The following TBCD variants were observed in gnomAD, a reference collection of about 807,000 sequenced individuals.
TBCD encodes tubulin folding cofactor D.
A neutral mutation model predicts 169.3 loss-of-function variants in TBCD; 105 were observed. That is an observed-to-expected ratio of 0.62 (90% confidence interval 0.53 to 0.73). The LOEUF is 0.73. Ranked by LOEUF, TBCD falls within the 30% of genes least tolerant of loss-of-function variation. TBCD has a pLI of 0.00. For synonymous variants in TBCD, 700 were observed against 643.9 expected, an observed-to-expected ratio of 1.09 and a Z score of -1.32; for missense variants, 1,444 against 1,600.1, an observed-to-expected ratio of 0.90 and a Z score of 1.66.
intron 14 of TBCD, among the ~76,000 whole-genome samples, chr17:82,870,629 A>T (rs1331407722): frequency 6.6e-6 from 1 of 152,138 alleles, no homozygotes; most frequent in African/African-American, 2.4e-5. Flanking sequence ...TCTTGGGCGC[A>T]GGTGATCGAC....
chr17:82,759,846 A>G (rs1396867116), intron 2 of TBCD, among the ~76,000 whole-genome samples: 3 of 147,788 alleles, frequency 2.0e-5, no homozygotes, highest in African/African-American at 7.5e-5. Context: ...TGTTCCATTG[A>G]CCTATCTGTA....
At chr17:82,790,704 T>G (rs555951614) in intron 7 of TBCD, among the ~76,000 whole-genome samples, 1 of 152,308 alleles carries the variant, frequency 6.6e-6, no homozygotes, top group African/African-American at 2.4e-5. Context: ...GCCTTGTCCT[T>G]GTCTCTGCCC....
intron 30 of TBCD, among the ~76,000 whole-genome samples, chr17:82,928,744 C>T: frequency 6.6e-6 from 1 of 152,130 alleles, no homozygotes; most frequent in Non-Finnish European, 1.5e-5. Flanking sequence ...CTTCTCTCTC[C>T]CCATCCCCGG....
At chr17:82,875,721 C>T (rs1298074281) in intron 14 of TBCD, among the ~76,000 whole-genome samples, 11 of 152,234 alleles carry the variant, frequency 7.2e-5, no homozygotes, top group Admixed American at 7.2e-4. Context: ...TTCTCCCTCA[C>T]CGGTGTTGCT....
chr17:82,895,237 C>T (rs2059397340), intron 17 of TBCD, among the ~76,000 whole-genome samples: 1 of 152,264 alleles, frequency 6.6e-6, no homozygotes, highest in African/African-American at 2.4e-5. Context: ...GACGCACCGG[C>T]AGGCAGGCCC....
chr17:82,924,218 T>C (rs1418022130), intron 26 of TBCD, among the ~76,000 whole-genome samples: 1 of 152,216 alleles, frequency 6.6e-6, no homozygotes, highest in Non-Finnish European at 1.5e-5. Flanking sequence ...CCTCCCAAAG[T>C]TCTGGGATTA....
At chr17:82,910,431 T>C (rs2060548880) in intron 22 of TBCD, among the ~76,000 whole-genome samples, 3 of 152,216 alleles carry the variant, frequency 2.0e-5, no homozygotes, top group Admixed American at 2.0e-4. Flanking sequence ...GTTCAGACTT[T>C]TTGCTCATTA....
chr17:82,783,723 T>C (rs2049106911), intron 7 of TBCD, among the ~76,000 whole-genome samples: 1 of 152,196 alleles, frequency 6.6e-6, no homozygotes, highest in South Asian at 2.1e-4. Context: ...GTGTGGGTAT[T>C]TTCCATATGC....
intron 18 of TBCD, among the ~76,000 whole-genome samples, chr17:82,902,507 G>T (rs1474633885): frequency 1.3e-5 from 2 of 152,196 alleles, no homozygotes; most frequent in East Asian, 3.9e-4. Context: ...TGTCGCTCAG[G>T]GTGTGGAGTC....
At chr17:82,878,081 C>T (rs1371956259) in intron 14 of TBCD, among the ~76,000 whole-genome samples, 1 of 152,202 alleles carries the variant, frequency 6.6e-6, no homozygotes, top group Non-Finnish European at 1.5e-5. Context: ...AGACCCTCCA[C>T]AGCATTCTCC....
At chr17:82,936,041 T>C (rs2062590637) in intron 34 of TBCD, among the ~76,000 whole-genome samples, 1 of 152,234 alleles carries the variant, frequency 6.6e-6, no homozygotes, top group African/African-American at 2.4e-5. Flanking sequence ...TGCTTTTGAG[T>C]GTTACCTCTG....
chr17:82,826,111 A>G (rs1047773176), intron 13 of TBCD, among the ~76,000 whole-genome samples: 3 of 152,222 alleles, frequency 2.0e-5, no homozygotes, highest in African/African-American at 7.2e-5. Context: ...TTATTGATCT[A>G]TCATTTATCT....
At position 82,923,887 on chromosome 17, in the gene TBCD, C is replaced by G. The variant is rs1409003966; in HGVS notation, c.2260+154C>G. Among the ~76,000 whole-genome samples the G allele has an allele frequency of 6.6e-6, 1 of 152,086 alleles. No homozygotes were observed. The highest frequency in any genetic ancestry group is 2.4e-5 in the African/African-American group (1 of 41,418). On this transcript the variant is annotated intron_variant, in intron 26 of 38. Transcript: ENST00000355528. This position sits in a 1 kb window ranked among gnomAD's most constrained non-coding sequence, Gnocchi z 4.6. ...GACTGTTCGGGTCTCAGGTTCCCAGCCGAGGAGCTGTGGGCAGGTCCTGCA... is the reference window on the plus strand; with the variant it reads ...GACTGTTCGGGTCTCAGGTTCCCAGGCGAGGAGCTGTGGGCAGGTCCTGCA...
At chr17:82,921,412 A>G (rs768148923) in intron 24 of TBCD, 89 bp from the exon 25 acceptor site, 1 of 1,037,002 alleles carries the variant, frequency 9.6e-7, no homozygotes, top group East Asian at 2.4e-5. Flanking sequence ...CGACTTTAAG[A>G]TTAGTATTAA....
intron 13 of TBCD, among the ~76,000 whole-genome samples, chr17:82,858,366 G>A (rs2056488611): frequency 6.6e-6 from 1 of 152,136 alleles, no homozygotes; most frequent in Non-Finnish European, 1.5e-5. Context: ...CTTTCTACCT[G>A]GAAGAAACCC....
At chr17:82,931,504 GTCGCTCATTCCGCCTTGCCGT>G (rs575278505) in intron 33 of TBCD, among the ~76,000 whole-genome samples, 2,697 of 152,224 alleles carry the variant, frequency 0.018, 95 homozygotes, top group African/African-American at 0.061. Context: ...CTCCGTGCCG[GTCGCTCATTCCGCCTTGCCGT>G]TCGCTCATTC....
chr17:82,758,404 T>TAAAA (rs1312618695), intron 2 of TBCD, among the ~76,000 whole-genome samples: 13 of 79,414 alleles, frequency 1.6e-4, no homozygotes, highest in Admixed American at 6.0e-4. Flanking sequence ...AAAAAAAAAA[T>TAAAA]AAATAAATAA....
chr17:82,927,195 G>C lies in TBCD; in HGVS notation c.2481G>C (p.Gln827His), dbSNP rs1465658987. 6.2e-7 allele frequency: 1 copy of C among 1,613,802 alleles called. No homozygotes were observed. Among genetic ancestry groups the C allele is most frequent in the African/African-American group, 1.3e-5 (1 of 74,922 alleles). The stretch of plus-strand genomic sequence containing the variant: ...ACATTTTAAATTTCAGGATTTGCCA[G>C]ACTGTTGGTGTGAAAGCAGGAGCCC... ...DGLKAIARIC[Q>H]TVGVKAGAPD... The change falls in exon 29 of 39, where the codon CAG (glutamine) becomes CAC (histidine). Residue 827 changes from glutamine (Q) to histidine (H), a missense_variant. Physicochemically the swap from Gln to His is conservative, Grantham distance 24. Coordinates refer to ENST00000355528, the MANE Select transcript of TBCD (RefSeq NM_005993.5).
chr17:82,935,572 C>G (rs1204582895), intron 34 of TBCD, among the ~76,000 whole-genome samples: 1 of 135,754 alleles, frequency 7.4e-6, no homozygotes, highest in Non-Finnish European at 1.6e-5. Flanking sequence ...TTACTTTTTT[C>G]TGTTAACGCT....
Sources: gnomAD v4.1 joint callset for allele counts (sites outside exome capture counted in the v4.1 genomes callset) on GRCh38, gnomAD v4.1.1 for gene constraint, Gnocchi (gnomAD v3.1) non-coding constraint, MANE v1.5 for transcripts, NCBI Gene and HGNC (gene_info 2026-07-23, HGNC 2026-07-21) for gene names.